RNF17: variants seen among roughly 807,000 people sequenced by gnomAD.
RNF17 encodes the protein spermatogenesis associated 23.
A neutral mutation model predicts 200.5 loss-of-function variants in RNF17; 31 were observed. That is an observed-to-expected ratio of 0.15 (90% CI 0.12 to 0.21). The LOEUF is 0.21. Among genes scored for constraint, RNF17 ranks in the 10% least tolerant of loss-of-function variants. The probability of loss-of-function intolerance (pLI) is 1.00; values close to 1 mark genes in which losing one functional copy is unlikely to be tolerated. For synonymous variants in RNF17, 606 were observed against 637.8 expected, an observed-to-expected ratio of 0.95 and a Z score of 0.75; for missense variants, 1,628 against 1,905.1, an observed-to-expected ratio of 0.85 and a Z score of 2.71.
At chr13:24,797,574 C>T (rs1177888802) in intron 11 of RNF17, among the ~76,000 whole-genome samples, 1 of 152,046 alleles carries the variant, frequency 6.6e-6, no homozygotes, top group Non-Finnish European at 1.5e-5. Context: ...ACATTCTCCC[C>T]GTGTCTGTGT....
chr13:24,773,231 G>C (rs1881042113), intron 2 of RNF17, among the ~76,000 whole-genome samples: 1 of 152,150 alleles, frequency 6.6e-6, no homozygotes, highest in Non-Finnish European at 1.5e-5. Flanking sequence ...AAATTATTCT[G>C]CCAAAAAGAT....
At chr13:24,762,369 T>TTAA (rs1347667958), upstream of RNF17, among the ~76,000 whole-genome samples, 1 of 113,898 alleles carries the variant, frequency 8.8e-6, no homozygotes, top group Non-Finnish European at 1.7e-5. Context: ...ACTCCATTTC[T>TTAA]AAAAAAAAAA....
At chr13:24,877,786 A>G (rs1593511296) in intron 34 of RNF17, among the ~76,000 whole-genome samples, 2 of 152,338 alleles carry the variant, frequency 1.3e-5, no homozygotes, top group South Asian at 2.1e-4. Flanking sequence ...TACTTATTTG[A>G]TGTAGTAGAA....
At chr13:24,755,053 G>A in the RNF17 span, among the ~76,000 whole-genome samples, 3 of 151,758 alleles carry the variant, frequency 2.0e-5, no homozygotes, top group Non-Finnish European at 4.4e-5. Context: ...TTCCTATATA[G>A]GTATATAATA....
At chr13:24,786,302 T>C (rs769689553) in intron 6 of RNF17, among the ~76,000 whole-genome samples, 13 of 152,172 alleles carry the variant, frequency 8.5e-5, no homozygotes, top group Non-Finnish European at 1.2e-4. Flanking sequence ...CTCTACTGCT[T>C]TACAAATCTG....
chr13:24,854,013 A>C lies in RNF17; in HGVS notation c.3479A>C (p.Gln1160Pro). ...IISEQKVSEF[Q>P]EKILEPRTTR... is the part of the protein sequence containing the mutation. The stretch of plus-strand genomic sequence containing the variant: ...AGTGAACAGAAAGTGTCTGAATTTC[A>C]GGAGAAAATTCTAGAACCAAGAACC... Residue 1160 changes from glutamine to proline, a missense_variant, in exon 25 of 36, where the codon CAG becomes CCG. Physicochemically the swap from Gln to Pro is moderately conservative, Grantham distance 76 (BLOSUM62 -1). Coordinates refer to ENST00000255324, the MANE Select transcript of RNF17 (RefSeq NM_031277.3). 6.2e-7 allele frequency: 1 copy of C among 1,614,170 alleles called. No homozygotes were observed. Among genetic ancestry groups the C allele is most frequent in the Non-Finnish European group, 8.5e-7 (1 of 1,180,014 alleles).
chr13:24,777,864 G>C lies in RNF17; in HGVS notation c.318-431G>C, dbSNP rs150818007. Among the ~76,000 whole-genome samples, 694 of 152,196 alleles carry C rather than the reference G, an allele frequency of 4.6e-3. 2 individuals are homozygous for C. The highest frequency in any genetic ancestry group is 0.014 in the Middle Eastern group (4 of 294). Reference sequence around the variant, plus strand: ...ACTTATGGTTAATTGGTAATTCACTGTACATGTTCTTATAAGTCATTATAT... The same window carrying C: ...ACTTATGGTTAATTGGTAATTCACTCTACATGTTCTTATAAGTCATTATAT... On this transcript the variant is annotated intron_variant, in intron 3 of 35. Coordinates refer to ENST00000255324, the MANE Select transcript of RNF17 (RefSeq NM_031277.3).
intron 33 of RNF17, among the ~76,000 whole-genome samples, chr13:24,874,553 G>A (rs534105805): frequency 6.6e-6 from 1 of 151,966 alleles, no homozygotes; most frequent in East Asian, 1.9e-4. Flanking sequence ...GGAATTACAG[G>A]TGCCCGCCAC....
chr13:24,831,908 G>A lies in RNF17; in HGVS notation c.2412G>A (p.Gln804=), dbSNP rs1286791927. 13 of 1,609,086 alleles carry A rather than the reference G, an allele frequency of 8.1e-6. No individual in the cohort carries two copies. The highest frequency in any genetic ancestry group is 1.7e-5 in the Admixed American group (1 of 59,558). The change falls in exon 18 of 36, where the codon CAG becomes CAA. Residue 804 remains glutamine (Q), a synonymous_variant. Transcript: ENST00000255324. The stretch of plus-strand genomic sequence containing the variant: ...TTGAACCATATAAAAGGACAATGCA[G>A]TGGTCCAAAGAAGCTAAAGAAAAAT... The part of the protein sequence containing the change: ...AYIEPYKRTM[Q]WSKEAKEKFE...
intron 32 of RNF17, among the ~76,000 whole-genome samples, chr13:24,873,023 G>C (rs1406727281): frequency 1.3e-5 from 2 of 152,180 alleles, no homozygotes; most frequent in Non-Finnish European, 2.9e-5. Flanking sequence ...ATTACAGGCA[G>C]TTAAGGTGTA....
At chr13:24,793,440 A>AT in intron 10 of RNF17, 94 bp downstream of exon 10, 19 of 1,120,498 alleles carry the variant, frequency 1.7e-5, no homozygotes, top group East Asian at 2.4e-5. Flanking sequence ...ACAGAAATAT[A>AT]ATTGCTGTTA....
At chr13:24,824,296 C>G in intron 15 of RNF17, 1 of 665,278 alleles carries the variant, frequency 1.5e-6, no homozygotes, top group Non-Finnish European at 2.7e-6. Context: ...TTGTTGGCGT[C>G]ATTCCTCTGC....
At chr13:24,800,725 G>A (rs1885146147) in intron 13 of RNF17, among the ~76,000 whole-genome samples, 191 bp downstream of exon 13, 1 of 152,160 alleles carries the variant, frequency 6.6e-6, no homozygotes, top group African/African-American at 2.4e-5. Flanking sequence ...TTTTTAATGG[G>A]AAATGGAGTT....
intron 18 of RNF17, among the ~76,000 whole-genome samples, chr13:24,835,538 A>T (rs969435959): frequency 4.6e-5 from 7 of 152,322 alleles, no homozygotes; most frequent in Non-Finnish European, 8.8e-5. Context: ...AGAACCAGGT[A>T]GACTCTCTGG....
chr13:24,820,704 G>C (rs1330726571), intron 15 of RNF17, among the ~76,000 whole-genome samples: 2 of 152,128 alleles, frequency 1.3e-5, no homozygotes. Context: ...CCAAAGTGCT[G>C]GGATTACAGT....
At chr13:24,805,104 G>C (rs1173077420) in intron 15 of RNF17, among the ~76,000 whole-genome samples, 2 of 152,178 alleles carry the variant, frequency 1.3e-5, no homozygotes, top group African/African-American at 4.8e-5. Flanking sequence ...CTCAAGCACT[G>C]CATCACACTG....
At chr13:24,832,950 T>TACA (rs1413816907) in intron 18 of RNF17, among the ~76,000 whole-genome samples, 4 of 152,132 alleles carry the variant, frequency 2.6e-5, no homozygotes, top group African/African-American at 9.7e-5. Context: ...CTTACTTTGT[T>TACA]GCTCAGGCCA....
intron 15 of RNF17, among the ~76,000 whole-genome samples, chr13:24,808,429 G>A (rs1886161837): frequency 7.2e-6 from 1 of 139,130 alleles, no homozygotes; most frequent in Admixed American, 7.3e-5. Context: ...GTTCACTCAT[G>A]ATTTGGCTCT....
intron 5 of RNF17, among the ~76,000 whole-genome samples, chr13:24,781,584 T>C (rs2137560180): frequency 6.6e-6 from 1 of 152,262 alleles, no homozygotes; most frequent in East Asian, 1.9e-4. Flanking sequence ...TACAGTGAGC[T>C]ATGCTCAGCC....
Sources: gnomAD v4.1 joint callset for allele counts (sites outside exome capture counted in the v4.1 genomes callset) on GRCh38, gnomAD v4.1.1 for gene constraint, MANE v1.5 for transcripts, NCBI Gene and HGNC (gene_info 2026-07-23, HGNC 2026-07-21) for gene names.